RBM39: variants seen among roughly 807,000 people sequenced by gnomAD.
RBM39 encodes the protein RNA-binding protein 39.
Under a neutral mutation model 79.6 loss-of-function variants are expected in RBM39, and 12 were observed. The observed-to-expected ratio is 0.15, with a 90% CI of 0.10 to 0.24. The LOEUF (loss-of-function observed/expected upper bound fraction) is 0.24. Among genes scored for constraint, RBM39 ranks in the 10% least tolerant of loss-of-function variants. RBM39 has a pLI of 1.00. For missense variants in RBM39, 243 were observed against 653.4 expected, an observed-to-expected ratio of 0.37 and a Z score of 6.85; for synonymous variants, 185 against 208.4, an observed-to-expected ratio of 0.89 and a Z score of 0.97.
At chr20:35,732,194 AC>A in intron 3 of RBM39, 59 bp from the exon 4 acceptor site, 4 of 1,422,954 alleles carry the variant, frequency 2.8e-6, no homozygotes, top group Non-Finnish European at 3.9e-6. Context: ...AAAATATACT[AC>A]CTTTTATGGC....
rs574067655 is a variant in RBM39 at position 35,714,418 on chromosome 20, G to C, written c.892-29C>G. 5 of 1,581,598 alleles carry C rather than the reference G, an allele frequency of 3.2e-6. No individual in the cohort carries two copies. In the Admixed American group the frequency reaches 9.3e-5, roughly 30 times the overall value. ...CATGATAGGGGAGGCAAGGACAGGAGACAGTGCTTTAATTTTTAAAATACA... is the reference window on the plus strand; with the variant it reads ...CATGATAGGGGAGGCAAGGACAGGACACAGTGCTTTAATTTTTAAAATACA... On this transcript the variant is annotated intron_variant, in intron 10 of 16. Transcript: ENST00000253363.
Position 35,736,248 on chromosome 20 carries a change from T to A in RBM39, c.101+2720A>T, listed in dbSNP as rs149705572. Among the ~76,000 whole-genome samples, 74 of 152,270 alleles carry A rather than the reference T, an allele frequency of 4.9e-4. No individual in the cohort carries two copies. The East Asian group carries it at 0.012, about 25-fold the overall frequency. On this transcript the variant is annotated intron_variant, in intron 3 of 16. Transcript: ENST00000253363. ...GTCTAAAACCAGATGACATAAACCA[T>A]ACCTCTGGTTGGTTGCATCAGATCC...
intron 8 of RBM39, among the ~76,000 whole-genome samples, chr20:35,723,990 G>GTGAT (rs901209285): frequency 6.6e-6 from 1 of 152,166 alleles, no homozygotes; most frequent in African/African-American, 2.4e-5. Flanking sequence ...ACAGTGAGCT[G>GTGAT]TGATTATCTC....
chr20:35,707,410 C>A, intron 13 of RBM39: 1 of 352,048 alleles, frequency 2.8e-6, no homozygotes. Context: ...TTGAAACAGA[C>A]ATTCAGAAAT....
At chr20:35,707,747 AT>A (rs2035919554) in intron 13 of RBM39, 1 of 249,874 alleles carries the variant, frequency 4.0e-6, no homozygotes, top group Admixed American at 5.3e-5. Context: ...AATAAATCCT[AT>A]TAATAAATCA....
At chr20:35,741,024 A>ATTTT (rs1600675384) in intron 1 of RBM39, 137 bp from the exon 2 acceptor site, 7 of 78,062 alleles carry the variant, frequency 9.0e-5, no homozygotes, top group South Asian at 2.0e-4. Context: ...GTGAGTAAAC[A>ATTTT]TTTTTCTTTT....
At chr20:35,725,527 T>C (rs1366534563) in intron 6 of RBM39, among the ~76,000 whole-genome samples, 1 of 152,178 alleles carries the variant, frequency 6.6e-6, no homozygotes, top group Non-Finnish European at 1.5e-5. Flanking sequence ...ATGATCCGCC[T>C]GCCTTGGCCT....
At chr20:35,722,940 A>G (rs920126074) in intron 8 of RBM39, among the ~76,000 whole-genome samples, 95 of 102,740 alleles carry the variant, frequency 9.2e-4, no homozygotes, top group African/African-American at 3.3e-3. Context: ...TCTCAAGAGA[A>G]AAAAAAAAAA....
At chr20:35,706,298 G>A (rs1340433705) in intron 14 of RBM39, among the ~76,000 whole-genome samples, 2 of 151,974 alleles carry the variant, frequency 1.3e-5, no homozygotes, top group African/African-American at 2.4e-5. Flanking sequence ...AGCCGGTGGC[G>A]CCACTATACT....
At position 35,740,897 on chromosome 20, in the gene RBM39, G is replaced by C. The variant is rs369547612; in HGVS notation, c.-13-10C>G. On this transcript the variant is annotated splice_polypyrimidine_tract_variant and intron_variant, in intron 1 of 16. Transcript: ENST00000253363. ...CATTTTCTCTAAACGCCTAGGAAGA[G>C]AACAAGACAATTTCTTGAGTAAACA... 1.4e-5 allele frequency: 22 copies of C among 1,590,860 alleles called. No individual in the cohort carries two copies. The highest frequency in any genetic ancestry group is 1.9e-5 in the Non-Finnish European group (22 of 1,163,682).
intron 3 of RBM39, chr20:35,736,666 G>A (rs1327587985): frequency 2.2e-6 from 1 of 451,352 alleles, no homozygotes; most frequent in African/African-American, 2.0e-5. Context: ...TTTTATGTTT[G>A]TTTGAGACGG....
chr20:35,736,656 T>C, intron 3 of RBM39: 2 of 458,544 alleles, frequency 4.4e-6, no homozygotes, highest in Non-Finnish European at 9.0e-6. Context: ...TATGACAGAT[T>C]TTTATGTTTG....
intron 9 of RBM39, among the ~76,000 whole-genome samples, chr20:35,718,854 G>A (rs575251543): frequency 6.7e-6 from 1 of 148,280 alleles, no homozygotes; most frequent in African/African-American, 2.5e-5. Flanking sequence ...ATGGCGGCAT[G>A]CACCTATAAT....
At chr20:35,726,515 C>T (rs950431414) in intron 6 of RBM39, among the ~76,000 whole-genome samples, 2 of 152,228 alleles carry the variant, frequency 1.3e-5, no homozygotes, top group African/African-American at 4.8e-5. Context: ...CCAGACCAAT[C>T]ACAAATGCCA....
chr20:35,737,910 T>G (rs2040132034), intron 3 of RBM39, among the ~76,000 whole-genome samples: 1 of 148,124 alleles, frequency 6.8e-6, no homozygotes. Flanking sequence ...TCCCAACACT[T>G]TGGGAGGCCA....
intron 1 of RBM39, 148 bp from the exon 2 acceptor site, chr20:35,741,035 T>TTTATTTTTTTTTA: frequency 2.9e-6 from 1 of 340,442 alleles, no homozygotes; most frequent in Admixed American, 6.2e-5. Flanking sequence ...TTTTTCTTTT[T>TTTATTTTTTTTTA]TTTTTTTTTT....
At chr20:35,727,941 C>CA (rs2038939485) in intron 6 of RBM39, among the ~76,000 whole-genome samples, 1 of 151,818 alleles carries the variant, frequency 6.6e-6, no homozygotes, top group Non-Finnish European at 1.5e-5. Flanking sequence ...GAGCCACCAC[C>CA]ACGCCTGGCC....
chr20:35,704,614 A>G, intron 16 of RBM39, 33 bp from the exon 17 acceptor site: 1 of 1,610,236 alleles, frequency 6.2e-7, no homozygotes, highest in Non-Finnish European at 8.5e-7. Flanking sequence ...TGGGTTTAGC[A>G]TCTTCATTAT....
intron 7 of RBM39, 140 bp from the exon 8 acceptor site, chr20:35,724,862 A>C: frequency 8.5e-7 from 1 of 1,171,616 alleles, no homozygotes; most frequent in South Asian, 1.6e-5. Context: ...CCTATATCCT[A>C]TCTTTATCTT....
Sources: allele counts gnomAD v4.1 joint callset (sites outside exome capture counted in the v4.1 genomes callset), GRCh38; gene constraint gnomAD v4.1.1; transcripts MANE v1.5; gene names NCBI Gene and HGNC (gene_info 2026-07-23, HGNC 2026-07-21).